Variants in DGKI observed in about 807,000 individuals in gnomAD.
DGKI encodes DAG kinase iota.
Under a neutral mutation model 147.5 loss-of-function variants are expected in DGKI, and 55 were observed. The observed-to-expected ratio is 0.37, with a 90% CI of 0.30 to 0.47. DGKI has a LOEUF of 0.47. Ranked by LOEUF, DGKI falls within the 20% of genes least tolerant of loss-of-function variation. The pLI is 1.00. For missense variants in DGKI, 1,007 were observed against 1,323.8 expected (o/e 0.76, Z 3.71); for synonymous variants, 469 against 477.1 (o/e 0.98, Z 0.22).
chr7:137,414,667 T>C (rs1035063479), intron 28 of DGKI, among the ~76,000 whole-genome samples: 1 of 152,136 alleles, frequency 6.6e-6, no homozygotes, highest in Non-Finnish European at 1.5e-5. Context: ...ATACAGACCC[T>C]GTGTGAGCCT....
At chr7:137,836,448 CTCTTCTAAGAA>C (rs1341644294) in intron 1 of DGKI, among the ~76,000 whole-genome samples, 2 of 152,188 alleles carry the variant, frequency 1.3e-5, no homozygotes, top group Non-Finnish European at 2.9e-5. Flanking sequence ...AAAGACCAGA[CTCTTCTAAGAA>C]TATCTTTTGT....
At chr7:137,573,358 C>A (rs538514860) in intron 17 of DGKI, among the ~76,000 whole-genome samples, 1 of 151,972 alleles carries the variant, frequency 6.6e-6, no homozygotes, top group Non-Finnish European at 1.5e-5. Flanking sequence ...GTCTATGTAC[C>A]GCAAACTTTT....
chr7:137,607,993 C>T (rs1820239196), intron 10 of DGKI, among the ~76,000 whole-genome samples: 1 of 152,160 alleles, frequency 6.6e-6, no homozygotes, highest in Non-Finnish European at 1.5e-5. Flanking sequence ...TCATTTAAAT[C>T]ATAAGCTCCC....
At chr7:137,412,283 AT>A (rs1269286185) in intron 28 of DGKI, 76 bp from the exon 29 acceptor site, 1 of 1,391,340 alleles carries the variant, frequency 7.2e-7, no homozygotes, top group South Asian at 1.2e-5. Context: ...TTGGATCCAT[AT>A]TTTGGATAAG....
intron 28 of DGKI, among the ~76,000 whole-genome samples, chr7:137,434,488 G>C (rs1327348141): frequency 6.6e-6 from 1 of 152,134 alleles, no homozygotes; most frequent in Non-Finnish European, 1.5e-5. Context: ...GGCTGAGACA[G>C]GAGAATTGCT....
At chr7:137,702,516 A>T (rs1430173430) in intron 1 of DGKI, among the ~76,000 whole-genome samples, 1 of 152,204 alleles carries the variant, frequency 6.6e-6, no homozygotes, top group Non-Finnish European at 1.5e-5. Context: ...TTTTTCAAGA[A>T]ATCCTGCAAC....
At chr7:137,629,782 T>C (rs549583916) in intron 6 of DGKI, among the ~76,000 whole-genome samples, 1 of 152,346 alleles carries the variant, frequency 6.6e-6, no homozygotes, top group East Asian at 1.9e-4. Context: ...CCTAGTTTTC[T>C]GCTGATATGT....
intron 30 of DGKI, among the ~76,000 whole-genome samples, chr7:137,400,836 C>T (rs1173237911): frequency 6.6e-6 from 1 of 152,196 alleles, no homozygotes; most frequent in African/African-American, 2.4e-5. Flanking sequence ...ATTCTCCCAT[C>T]AACATAGATA....
chr7:137,545,140 C>T (rs1462018649), intron 20 of DGKI, among the ~76,000 whole-genome samples: 1 of 152,138 alleles, frequency 6.6e-6, no homozygotes, highest in African/African-American at 2.4e-5. Flanking sequence ...TCAGATTCCT[C>T]ATGCATAGAA....
intron 21 of DGKI, among the ~76,000 whole-genome samples, chr7:137,512,197 G>C (rs1341190573): frequency 2.6e-5 from 4 of 152,174 alleles, no homozygotes; most frequent in African/African-American, 9.7e-5. Flanking sequence ...GATTAAGAGA[G>C]AAAATATATA....
intron 10 of DGKI, among the ~76,000 whole-genome samples, chr7:137,602,346 G>C (rs1387991958): frequency 6.6e-6 from 1 of 152,118 alleles, no homozygotes; most frequent in Non-Finnish European, 1.5e-5. Flanking sequence ...CCTTAAACTT[G>C]AATTTCTCTA....
intron 20 of DGKI, among the ~76,000 whole-genome samples, chr7:137,522,292 T>C (rs1816989004): frequency 6.6e-6 from 1 of 152,010 alleles, no homozygotes; most frequent in Non-Finnish European, 1.5e-5. Flanking sequence ...ATTCAGCAAA[T>C]CTGAAATAGT....
chr7:137,569,722 C>G, intron 19 of DGKI, among the ~76,000 whole-genome samples: 1 of 64,838 alleles, frequency 1.5e-5, no homozygotes, highest in East Asian at 4.0e-4. Flanking sequence ...GAGTGAGACT[C>G]TGTCTCAAAA....
At chr7:137,494,987 G>A (rs924339073) in intron 21 of DGKI, among the ~76,000 whole-genome samples, 1 of 152,006 alleles carries the variant, frequency 6.6e-6, no homozygotes, top group Admixed American at 6.6e-5. Context: ...GAAAAAAGCA[G>A]GGGTTGCTAC....
intron 1 of DGKI, among the ~76,000 whole-genome samples, chr7:137,756,151 G>A (rs1442384314): frequency 6.6e-6 from 1 of 152,220 alleles, no homozygotes; most frequent in African/African-American, 2.4e-5. Flanking sequence ...TCCTGCAGAG[G>A]CTTTAATAAC....
chr7:137,681,833 T>G (rs1185708627), intron 2 of DGKI, among the ~76,000 whole-genome samples: 1 of 152,270 alleles, frequency 6.6e-6, no homozygotes, highest in African/African-American at 2.4e-5. Context: ...AAAGTGTTTT[T>G]GTTTGTCTGG....
intron 6 of DGKI, among the ~76,000 whole-genome samples, chr7:137,624,730 G>A (rs573728464): frequency 1.3e-5 from 2 of 151,798 alleles, no homozygotes; most frequent in Non-Finnish European, 2.9e-5. Context: ...TGAGCCTCCC[G>A]AGTAGCTGGG....
intron 21 of DGKI, chr7:137,493,797 A>T: frequency 1.4e-6 from 1 of 702,088 alleles, no homozygotes; most frequent in Non-Finnish European, 2.6e-6. Flanking sequence ...AAATGACTGC[A>T]CTAGTTCCCC....
chr7:137,793,630 C>G (rs1796936621), intron 1 of DGKI, among the ~76,000 whole-genome samples: 1 of 152,050 alleles, frequency 6.6e-6, no homozygotes, highest in Admixed American at 6.6e-5. Flanking sequence ...CTTACAAACA[C>G]CATTTTCACA....
Sources: gnomAD v4.1 joint callset for allele counts (sites outside exome capture counted in the v4.1 genomes callset) on GRCh38, gnomAD v4.1.1 for gene constraint, MANE v1.5 for transcripts, NCBI Gene and HGNC (gene_info 2026-07-23, HGNC 2026-07-21) for gene names.